Variants in BMAL2 observed in about 807,000 individuals in gnomAD.
The protein encoded by BMAL2 is basic helix-loop-helix ARNT-like protein 2.
the BMAL2 span, among the ~76,000 whole-genome samples, chr12:27,377,188 A>G: frequency 6.6e-6 from 1 of 152,208 alleles, no homozygotes; most frequent in Non-Finnish European, 1.5e-5. Flanking sequence ...CCATGGTTCA[A>G]CATGGCAGTA....
chr12:27,375,407 C>T, the BMAL2 span, among the ~76,000 whole-genome samples: 16 of 152,170 alleles, frequency 1.1e-4, no homozygotes, highest in South Asian at 1.0e-3. Flanking sequence ...TTTGAAACTA[C>T]GCAGAAATAT....
the BMAL2 span, among the ~76,000 whole-genome samples, chr12:27,371,171 G>A: frequency 6.6e-6 from 1 of 152,234 alleles, no homozygotes; most frequent in Admixed American, 6.5e-5. Context: ...CTTAAGCTAA[G>A]TTTTAAATGA....
the BMAL2 span, chr12:27,380,332 A>G: frequency 1.2e-6 from 2 of 1,614,226 alleles, no homozygotes; most frequent in Non-Finnish European, 1.7e-6. Context: ...CCCTCAGTGC[A>G]ACCCCATGGC....
At chr12:27,374,733 G>A in the BMAL2 span, among the ~76,000 whole-genome samples, 1 of 152,158 alleles carries the variant, frequency 6.6e-6, no homozygotes, top group Non-Finnish European at 1.5e-5. Flanking sequence ...CAGGTATGGT[G>A]GAAGGCGCAC....
the BMAL2 span, among the ~76,000 whole-genome samples, chr12:27,419,764 A>G: frequency 6.6e-5 from 10 of 152,316 alleles, no homozygotes; most frequent in African/African-American, 1.9e-4. Context: ...ACTTTGACAC[A>G]TATATACAAA....
At chr12:27,380,172 C>G in the BMAL2 span, 1 of 1,461,996 alleles carries the variant, frequency 6.8e-7, no homozygotes, top group African/African-American at 1.4e-5. Context: ...TCAGCATCTG[C>G]TCCAGTGAGC....
At chr12:27,336,255 C>T in the BMAL2 span, among the ~76,000 whole-genome samples, 18 of 152,080 alleles carry the variant, frequency 1.2e-4, no homozygotes, top group Non-Finnish European at 2.4e-4. Flanking sequence ...CTGAGACATC[C>T]GCCTGTTCTG....
At chr12:27,411,459 A>G in the BMAL2 span, among the ~76,000 whole-genome samples, 2 of 152,218 alleles carry the variant, frequency 1.3e-5, no homozygotes, top group East Asian at 3.9e-4. Context: ...TCAAAAAAAA[A>G]AAAGAGAGAT....
chr12:27,417,853 C>T, the BMAL2 span, among the ~76,000 whole-genome samples: 66 of 151,928 alleles, frequency 4.3e-4, no homozygotes, highest in South Asian at 0.011. Context: ...ATTAGCCGGG[C>T]GTGGTGGCAC....
chr12:27,401,780 T>TTTTATTTTA, the BMAL2 span: 5 of 736,412 alleles, frequency 6.8e-6, no homozygotes, highest in South Asian at 1.6e-4. Flanking sequence ...TCCTCTGGCC[T>TTTTATTTTA]TTTATTGTAA....
At chr12:27,420,325 C>A in the BMAL2 span, 1 of 1,565,866 alleles carries the variant, frequency 6.4e-7, no homozygotes, top group South Asian at 1.2e-5. Context: ...CATTTTTTAA[C>A]CTCAAAATGT....
the BMAL2 span, chr12:27,385,343 G>GA: frequency 0.016 from 7,939 of 511,750 alleles, 148 homozygotes; most frequent in African/African-American, 0.084. Context: ...AAATGAAAAT[G>GA]AAAAAAAAAA....
the BMAL2 span, among the ~76,000 whole-genome samples, chr12:27,350,648 T>A: frequency 2.0e-5 from 3 of 152,228 alleles, no homozygotes; most frequent in Non-Finnish European, 4.4e-5. Context: ...TGCCCAAGGT[T>A]GTGAATAACA....
At chr12:27,345,907 T>C in the BMAL2 span, among the ~76,000 whole-genome samples, 6 of 152,224 alleles carry the variant, frequency 3.9e-5, no homozygotes, top group African/African-American at 1.2e-4. Flanking sequence ...TAGTAATTTT[T>C]ATCTTTAAGA....
the BMAL2 span, chr12:27,422,918 C>T: frequency 8.5e-5 from 13 of 152,208 alleles, no homozygotes; most frequent in African/African-American, 3.1e-4. Flanking sequence ...TAGAGGGAGA[C>T]CAGTGCTGCC....
the BMAL2 span, among the ~76,000 whole-genome samples, chr12:27,405,578 C>T: frequency 6.6e-6 from 1 of 152,174 alleles, no homozygotes; most frequent in Non-Finnish European, 1.5e-5. Flanking sequence ...AAAGGACATC[C>T]ACACCAAAAC....
At chr12:27,411,409 G>A in the BMAL2 span, among the ~76,000 whole-genome samples, 1 of 151,848 alleles carries the variant, frequency 6.6e-6, no homozygotes, top group South Asian at 2.1e-4. Flanking sequence ...TTGAGGCTAG[G>A]AGTTCAAGAC....
chr12:27,393,937 T>A, the BMAL2 span, among the ~76,000 whole-genome samples: 3 of 152,166 alleles, frequency 2.0e-5, no homozygotes, highest in Non-Finnish European at 4.4e-5. Flanking sequence ...ATTACTCAGT[T>A]TTTTGGTGCT....
the BMAL2 span, among the ~76,000 whole-genome samples, chr12:27,385,019 A>G: frequency 1.3e-5 from 2 of 152,210 alleles, no homozygotes; most frequent in African/African-American, 4.8e-5. Context: ...GATAATGAAG[A>G]AAGAAAATGA....
Sources: allele counts gnomAD v4.1 joint callset (sites outside exome capture counted in the v4.1 genomes callset), GRCh38; gene constraint gnomAD v4.1.1; transcripts MANE v1.5; gene names NCBI Gene and HGNC (gene_info 2026-07-23, HGNC 2026-07-21).